Variants in PTPRR observed in about 807,000 individuals in gnomAD.
PTPRR encodes protein tyrosine phosphatase receptor type R, also known as receptor-type tyrosine-protein phosphatase R.
In PTPRR, 38 loss-of-function variants were observed where a neutral mutation model predicts 77.2. The observed-to-expected ratio is 0.49, with a 90% confidence interval of 0.38 to 0.65. PTPRR has a LOEUF of 0.65. PTPRR is among the 30% of genes least tolerant of loss of function. The pLI is 0.00. For missense variants in PTPRR, 744 were observed against 799.2 expected (o/e 0.93, Z 0.83); for synonymous variants, 299 against 283.1 (o/e 1.06, Z -0.57).
At chr12:70,864,713 G>C (rs1892810701) in intron 2 of PTPRR, among the ~76,000 whole-genome samples, 2 of 152,146 alleles carry the variant, frequency 1.3e-5, no homozygotes, top group Admixed American at 1.3e-4. Flanking sequence ...ACCATGTGTT[G>C]TGGGAGGGAC....
At chr12:70,700,045 C>T (rs566445875) in intron 7 of PTPRR, among the ~76,000 whole-genome samples, 13 of 152,262 alleles carry the variant, frequency 8.5e-5, no homozygotes, top group Admixed American at 8.5e-4. Context: ...AGCTGTGTGA[C>T]CACTGACTTG....
chr12:70,761,876 G>A (rs1890699754), intron 3 of PTPRR, among the ~76,000 whole-genome samples: 1 of 152,112 alleles, frequency 6.6e-6, no homozygotes, highest in African/African-American at 2.4e-5. Flanking sequence ...TTCAGTGCAT[G>A]CTTGCATGCT....
intron 2 of PTPRR, among the ~76,000 whole-genome samples, chr12:70,788,501 A>C (rs1212861219): frequency 6.6e-6 from 1 of 152,194 alleles, no homozygotes; most frequent in Non-Finnish European, 1.5e-5. Context: ...AATGTCTTTT[A>C]AGAACTTTTG....
intron 2 of PTPRR, among the ~76,000 whole-genome samples, chr12:70,859,559 A>G (rs1327230732): frequency 6.6e-6 from 1 of 152,048 alleles, no homozygotes; most frequent in Non-Finnish European, 1.5e-5. Context: ...TTTATAATGA[A>G]TAGAATAGTC....
chr12:70,757,911 C>A (rs1424022833), intron 4 of PTPRR, among the ~76,000 whole-genome samples: 1 of 152,190 alleles, frequency 6.6e-6, no homozygotes, highest in Non-Finnish European at 1.5e-5. Flanking sequence ...CACAGAATAG[C>A]ATTTACCAGT....
intron 2 of PTPRR, among the ~76,000 whole-genome samples, chr12:70,775,652 T>C (rs1891071277): frequency 6.6e-6 from 1 of 152,192 alleles, no homozygotes. Flanking sequence ...TCTTTCTTCC[T>C]AAGAGATGCC....
At chr12:70,682,034 CTTTTTTTTTTTTT>C (rs578204454) in intron 10 of PTPRR, among the ~76,000 whole-genome samples, 5 of 62,722 alleles carry the variant, frequency 8.0e-5, no homozygotes, top group South Asian at 7.8e-4. Context: ...TTGTTGTTCA[CTTTTTTTTTTTTT>C]TTTTTTTTTT....
At chr12:70,666,935 GTTTTTTTTTTTTTTTTTTTTTT>G (rs142691396) in intron 10 of PTPRR, among the ~76,000 whole-genome samples, 3 of 29,048 alleles carry the variant, frequency 1.0e-4, no homozygotes, top group Non-Finnish European at 2.8e-4. Context: ...GTGTTTTTCT[GTTTTTTTTTTTTTTTTTTTTTT>G]TTTTTTTTTT....
At chr12:70,747,700 A>G (rs897075372) in intron 5 of PTPRR, among the ~76,000 whole-genome samples, 2 of 152,326 alleles carry the variant, frequency 1.3e-5, no homozygotes, top group African/African-American at 4.8e-5. Flanking sequence ...ATGTCTGGTT[A>G]CAGGTCAACT....
At position 70,698,283 on chromosome 12, in the gene PTPRR, A is replaced by G. The variant is rs1425834801; in HGVS notation, c.1261T>C (p.Tyr421His). Residue 421 changes from tyrosine (Y) to histidine (H), a missense_variant, in exon 8 of 14, where the codon TAT becomes CAT. Coordinates refer to ENST00000283228, the MANE Select transcript of PTPRR (RefSeq NM_002849.4). ...DIPRHGTKNR[Y>H]KTILPNPLSR... ...AGCTTACTTGGTAAAATGGTCTTAT[A>G]GCGATTTTTAGTTCCATGACGCGGA... The G allele has an allele frequency of 1.2e-6, 2 of 1,613,132 alleles. No homozygotes were observed. Among genetic ancestry groups the G allele is most frequent in the South Asian group, 1.1e-5 (1 of 91,054 alleles).
At chr12:70,768,512 A>G (rs1438462890) in intron 2 of PTPRR, among the ~76,000 whole-genome samples, 1 of 152,216 alleles carries the variant, frequency 6.6e-6, no homozygotes. Context: ...TTGTGGCAAT[A>G]ATCAATAACT....
intron 6 of PTPRR, among the ~76,000 whole-genome samples, chr12:70,738,547 G>T (rs1287964263): frequency 6.6e-6 from 1 of 152,180 alleles, no homozygotes; most frequent in African/African-American, 2.4e-5. Context: ...TATCCAATTT[G>T]CCTGTTGATT....
intron 12 of PTPRR, among the ~76,000 whole-genome samples, chr12:70,660,178 T>TAATAAATAAATAAATA (rs57676991): frequency 2.1e-5 from 3 of 140,964 alleles, no homozygotes; most frequent in Admixed American, 7.1e-5. Context: ...CTCTGTCTCA[T>TAATAAATAAATAAATA]AATAAATAAA....
intron 2 of PTPRR, among the ~76,000 whole-genome samples, chr12:70,832,848 T>G (rs1396221326): frequency 2.0e-5 from 3 of 152,100 alleles, no homozygotes; most frequent in Non-Finnish European, 4.4e-5. Context: ...AAGCTTCTAC[T>G]CATGGTGGGA....
intron 1 of PTPRR, among the ~76,000 whole-genome samples, chr12:70,907,764 G>C (rs1261070720): frequency 6.6e-6 from 1 of 152,166 alleles, no homozygotes; most frequent in Non-Finnish European, 1.5e-5. Flanking sequence ...ATAGCAATCA[G>C]ATGTCCCCCA....
intron 13 of PTPRR, among the ~76,000 whole-genome samples, chr12:70,644,223 T>G (rs1886114539): frequency 6.6e-6 from 1 of 152,120 alleles, no homozygotes; most frequent in Admixed American, 6.6e-5. Context: ...AATAAACTCT[T>G]TAAAATTTTA....
intron 2 of PTPRR, among the ~76,000 whole-genome samples, chr12:70,850,587 T>C (rs913470667): frequency 2.0e-5 from 3 of 152,198 alleles, no homozygotes; most frequent in African/African-American, 4.8e-5. Flanking sequence ...ATTCTTTATA[T>C]CCTGAATACA....
intron 2 of PTPRR, among the ~76,000 whole-genome samples, chr12:70,886,358 G>C (rs1893239587): frequency 6.6e-6 from 1 of 152,184 alleles, no homozygotes; most frequent in Admixed American, 6.5e-5. Flanking sequence ...AATTTAATAG[G>C]AAGCATTAAC....
intron 1 of PTPRR, among the ~76,000 whole-genome samples, chr12:70,904,584 C>T (rs759000195): frequency 6.6e-6 from 1 of 151,712 alleles, no homozygotes; most frequent in East Asian, 1.9e-4. Flanking sequence ...TTGTGGTGAG[C>T]GAACTATTCT....
Sources: allele counts gnomAD v4.1 joint callset (sites outside exome capture counted in the v4.1 genomes callset), GRCh38; gene constraint gnomAD v4.1.1; transcripts MANE v1.5; gene names NCBI Gene and HGNC (gene_info 2026-07-23, HGNC 2026-07-21).